RC3H2: variants seen among roughly 807,000 people sequenced by gnomAD.
RC3H2 encodes the protein ring finger and CCCH-type domains 2, also known as roquin-2.
Under a neutral mutation model 133.3 loss-of-function variants are expected in RC3H2, and 31 were observed. That is an observed-to-expected ratio of 0.23 (90% CI 0.17 to 0.31). The LOEUF (loss-of-function observed/expected upper bound fraction) is 0.31, where lower values mean the gene tolerates loss of function less well. Among genes scored for constraint, RC3H2 ranks in the 10% least tolerant of loss-of-function variants. The pLI, the probability that RC3H2 is intolerant of heterozygous loss-of-function variation, is 1.00. For missense variants in RC3H2, 1,175 were observed against 1,437.2 expected, an observed-to-expected ratio of 0.82 and a Z score of 2.95; for synonymous variants, 517 against 502.2, an observed-to-expected ratio of 1.03 and a Z score of -0.40.
At chr9:122,868,240 G>A (rs1329202866) in intron 9 of RC3H2, among the ~76,000 whole-genome samples, 1 of 152,200 alleles carries the variant, frequency 6.6e-6, no homozygotes, top group Non-Finnish European at 1.5e-5. Context: ...TCTGGGAGGT[G>A]TACCCAACAG....
chr9:122,860,400 CCATT>C (rs1416999968), intron 10 of RC3H2, among the ~76,000 whole-genome samples: 2 of 126,398 alleles, frequency 1.6e-5, no homozygotes, highest in African/African-American at 5.8e-5. Flanking sequence ...CACCATTTAC[CCATT>C]CTTTTTTTTT....
chr9:122,901,126 T>G (rs1248077661), intron 1 of RC3H2, among the ~76,000 whole-genome samples: 2 of 152,200 alleles, frequency 1.3e-5, no homozygotes, highest in African/African-American at 4.8e-5. Flanking sequence ...AGAATAAAGT[T>G]TATGCTTCTT....
intron 19 of RC3H2, 31 bp from the exon 20 acceptor site, chr9:122,851,260 T>G (rs1347977179): frequency 6.2e-7 from 1 of 1,612,166 alleles, no homozygotes; most frequent in Admixed American, 1.7e-5. Flanking sequence ...TCCTTCAGTA[T>G]GAAAGTATTT....
intron 9 of RC3H2, among the ~76,000 whole-genome samples, chr9:122,875,704 TC>T (rs1204457280): frequency 1.3e-5 from 2 of 152,164 alleles, no homozygotes; most frequent in Non-Finnish European, 2.9e-5. Context: ...AGGAAAGGTC[TC>T]AAAGGCAAGG....
chr9:122,881,639 G>T (rs1831640112), intron 5 of RC3H2, among the ~76,000 whole-genome samples: 1 of 152,104 alleles, frequency 6.6e-6, no homozygotes, highest in Non-Finnish European at 1.5e-5. Context: ...ATTATGAAGG[G>T]AATGTGAAAC....
intron 16 of RC3H2, 107 bp downstream of exon 16, chr9:122,854,424 C>G: frequency 8.5e-7 from 1 of 1,182,496 alleles, no homozygotes; most frequent in Non-Finnish European, 1.2e-6. Context: ...TTATATAGCT[C>G]AGACAACAAG....
At position 122,855,858 on chromosome 9, in the gene RC3H2, A is replaced by G; in HGVS notation, c.2475T>C (p.Gly825=). ...FRADFSESVS[G]TKFEEDHLSH... is the part of the protein sequence containing the mutation. ...AAAGATGATCTTCTTCAAATTTTGT[A>G]CCACTCACACTCTCTGAGAACTGGT... The change falls in exon 14 of 21, where the codon GGT becomes GGC. Residue 825 remains glycine, a synonymous_variant. Transcript: ENST00000357244. 8.1e-6 allele frequency: 13 copies of G among 1,613,410 alleles called. No homozygotes were observed. Among genetic ancestry groups the G allele is most frequent in the South Asian group, 1.1e-5 (1 of 91,010 alleles).
At chr9:122,892,420 CT>C (rs200904069) in intron 3 of RC3H2, among the ~76,000 whole-genome samples, 6 of 147,248 alleles carry the variant, frequency 4.1e-5, no homozygotes, top group Admixed American at 6.8e-5. Context: ...AGCTTGAATT[CT>C]TTTTTTTTTG....
chr9:122,852,778 T>G (rs1327678522), intron 18 of RC3H2, among the ~76,000 whole-genome samples: 1 of 138,642 alleles, frequency 7.2e-6, no homozygotes, highest in Non-Finnish European at 1.6e-5. Context: ...GCCCCCCGCC[T>G]GGCCAGCCGC....
In RC3H2 at chr9:122,898,435, G is replaced by A. The variant is rs551384280; in HGVS notation, c.-67-859C>T. On this transcript the variant is annotated intron_variant, in intron 1 of 20. Transcript: ENST00000357244. ...AGGCACATAGAAAAAAACAGTGAGA[G>A]AATTTTTCTTATTTCTGAGATCAAA... Among the ~76,000 whole-genome samples the A allele has an allele frequency of 9.9e-5, 15 of 152,196 alleles. No homozygotes were observed. The East Asian group carries it at 2.3e-3, about 24-fold the overall frequency.
In RC3H2 at chr9:122,853,640, T is replaced by C. The variant is rs139344486; in HGVS notation, c.3117+312A>G. ...GGTGGTGGGTGCCTGTAATCCCAGC[T>C]ACTCGGGAAGCTGAGGCAGGAGAAT... On this transcript the variant is annotated intron_variant, in intron 18 of 20. Transcript: ENST00000357244. 1,541 of 506,574 alleles carry C rather than the reference T, an allele frequency of 3.0e-3. 17 individuals are homozygous for C. Among genetic ancestry groups the C allele is most frequent in the African/African-American group, 0.027 (1,369 of 51,550 alleles). The allele number at this position is 506,574 out of a possible 1,614,324, so 31.4% of individuals were successfully genotyped here.
In RC3H2 at chr9:122,877,598, A is replaced by AC; in HGVS notation, c.1213-16dup. On this transcript the variant is annotated splice_polypyrimidine_tract_variant and intron_variant, in intron 8 of 20. Coordinates refer to ENST00000357244, the MANE Select transcript of RC3H2 (RefSeq NM_001100588.3). ...TTTGGCTGAGGCTACAAAAATGGGA[A>AC]CACATTCAATGAGTGGCAAGGTGAA... is the stretch of plus-strand genomic sequence containing the variant. 6.2e-7 allele frequency: 1 copy of AC among 1,602,838 alleles called. No individual in the cohort carries two copies. Among genetic ancestry groups the AC allele is most frequent in the African/African-American group, 1.3e-5 (1 of 74,840 alleles).
At chr9:122,868,279 T>G (rs1021039489) in intron 9 of RC3H2, among the ~76,000 whole-genome samples, 127 of 152,096 alleles carry the variant, frequency 8.3e-4, no homozygotes, top group East Asian at 7.3e-3. Context: ...TGATGACAAT[T>G]GCGGTTTTGT....
Position 122,905,339 on chromosome 9 carries a change from C to T in RC3H2, c.-297G>A, listed in dbSNP as rs1832807994. 2 of 956,982 alleles carry T rather than the reference C, an allele frequency of 2.1e-6. No individual in the cohort carries two copies. Among genetic ancestry groups the T allele is most frequent in the Non-Finnish European group, 1.2e-6 (1 of 803,922 alleles). The allele number at this position is 956,982 out of a possible 1,614,324, so 59.3% of individuals were successfully genotyped here. A position where few individuals can be genotyped will look rare whatever the true frequency, so the allele number is the denominator to read the frequency against. On this transcript the variant is annotated 5_prime_UTR_variant, in exon 1 of 21. The change creates a new upstream start codon in the 5' untranslated region. Transcript: ENST00000357244. ...CTCCTCCTCCTCCTCCTCCTCACCA[C>T]GGAGGCGGACCTGGAGGGATCCCGA...
At chr9:122,884,033 G>A (rs573383976) in intron 4 of RC3H2, among the ~76,000 whole-genome samples, 4 of 151,862 alleles carry the variant, frequency 2.6e-5, no homozygotes, top group East Asian at 1.9e-4. Context: ...GGTGGCTCAC[G>A]TCTGTAATTC....
chr9:122,858,631 G>T (rs766975613), intron 12 of RC3H2, 38 bp downstream of exon 12: 3 of 1,543,816 alleles, frequency 1.9e-6, no homozygotes, highest in East Asian at 4.5e-5. Flanking sequence ...CAGACACTGG[G>T]CTGTTAATGA....
intron 9 of RC3H2, among the ~76,000 whole-genome samples, chr9:122,877,098 T>A (rs117457560): frequency 6.6e-6 from 1 of 152,158 alleles, no homozygotes; most frequent in Non-Finnish European, 1.5e-5. Flanking sequence ...TGAGGCAGAG[T>A]CTTGCTGTGT....
At chr9:122,875,490 T>C (rs1831295806) in intron 9 of RC3H2, 1 of 1,338,550 alleles carries the variant, frequency 7.5e-7, no homozygotes, top group African/African-American at 1.5e-5. Context: ...GTTTTTTTGC[T>C]ACAGTGGCAC....
At chr9:122,872,157 T>A (rs1384505877) in intron 9 of RC3H2, among the ~76,000 whole-genome samples, 4 of 152,242 alleles carry the variant, frequency 2.6e-5, no homozygotes, top group Non-Finnish European at 4.4e-5. Context: ...TTTTCTGCCC[T>A]GATGCATTTC....
Sources: allele counts gnomAD v4.1 joint callset (sites outside exome capture counted in the v4.1 genomes callset), GRCh38; gene constraint gnomAD v4.1.1; transcripts MANE v1.5; gene names NCBI Gene and HGNC (gene_info 2026-07-23, HGNC 2026-07-21).